The following CACNA1D variants were observed in gnomAD, a reference collection of about 807,000 sequenced individuals.
The protein encoded by CACNA1D is calcium voltage-gated channel subunit alpha1 D, also known as voltage-dependent L-type calcium channel subunit alpha-1D.
In CACNA1D, 55 loss-of-function variants were observed where a neutral mutation model predicts 257.1. The ratio of observed to expected loss-of-function variants is 0.21; its 90% confidence interval spans 0.17 to 0.27. CACNA1D has a LOEUF of 0.27. Ranked by LOEUF, CACNA1D falls within the 10% of genes least tolerant of loss-of-function variation. The probability of loss-of-function intolerance (pLI) is 1.00; values close to 1 mark genes in which losing one functional copy is unlikely to be tolerated. For missense variants in CACNA1D, 1,876 were observed against 2,784.0 expected (o/e 0.67, Z 7.34); for synonymous variants, 980 against 1,014.9 (o/e 0.97, Z 0.65).
chr3:53,724,555 G>A (rs2094912885), intron 14 of CACNA1D, among the ~76,000 whole-genome samples: 1 of 152,208 alleles, frequency 6.6e-6, no homozygotes, highest in Non-Finnish European at 1.5e-5. Flanking sequence ...GGCAGTAGCT[G>A]AGAAGGGAGC....
At chr3:53,630,791 T>C (rs1302741531) in intron 3 of CACNA1D, among the ~76,000 whole-genome samples, 2 of 152,146 alleles carry the variant, frequency 1.3e-5, no homozygotes, top group South Asian at 4.1e-4. Flanking sequence ...CTTGGAGATA[T>C]GGTTGGTTTG....
chr3:53,591,191 A>G (rs1319638476), intron 3 of CACNA1D, among the ~76,000 whole-genome samples: 1 of 151,964 alleles, frequency 6.6e-6, no homozygotes, highest in Non-Finnish European at 1.5e-5. Flanking sequence ...GAATACTCTA[A>G]TTCTTTCCTT....
chr3:53,692,908 A>G (rs2094540928), intron 8 of CACNA1D, among the ~76,000 whole-genome samples: 1 of 152,276 alleles, frequency 6.6e-6, no homozygotes, highest in African/African-American at 2.4e-5. Flanking sequence ...ATATTAAAAA[A>G]TTAGCTGGAC....
chr3:53,517,726 C>T (rs113835384), intron 3 of CACNA1D, among the ~76,000 whole-genome samples: 12,261 of 152,166 alleles, frequency 0.081, 658 homozygotes, highest in African/African-American at 0.15. Flanking sequence ...TTGTGATCCA[C>T]CCATCTCAGC....
At chr3:53,629,006 G>A (rs1271912569) in intron 3 of CACNA1D, among the ~76,000 whole-genome samples, 1 of 152,224 alleles carries the variant, frequency 6.6e-6, no homozygotes, top group Non-Finnish European at 1.5e-5. Flanking sequence ...GCAGGGGTGA[G>A]CAAACCTTTT....
At chr3:53,760,997 C>G (rs985193220) in intron 29 of CACNA1D, among the ~76,000 whole-genome samples, 1 of 152,188 alleles carries the variant, frequency 6.6e-6, no homozygotes, top group Non-Finnish European at 1.5e-5. Context: ...AGAGATTCAG[C>G]GTCAGCCTGA....
chr3:53,558,639 G>A (rs2092686342), intron 3 of CACNA1D, among the ~76,000 whole-genome samples: 1 of 152,142 alleles, frequency 6.6e-6, no homozygotes, highest in East Asian at 1.9e-4. Context: ...CTAGGTAAAG[G>A]ATTATAGATT....
intron 2 of CACNA1D, 55 bp downstream of exon 2, chr3:53,497,516 T>A: frequency 1.9e-6 from 3 of 1,569,136 alleles, no homozygotes; most frequent in Admixed American, 1.7e-5. Context: ...ATCTGTTTTT[T>A]AAAAGGATTT....
intron 3 of CACNA1D, among the ~76,000 whole-genome samples, chr3:53,512,020 A>G (rs114983457): frequency 0.019 from 2,871 of 152,348 alleles, 25 homozygotes; most frequent in Non-Finnish European, 0.03. Context: ...CACTGTTTAT[A>G]TTTAAATGAC....
chr3:53,630,314 A>C (rs1389645587), intron 3 of CACNA1D, among the ~76,000 whole-genome samples: 3 of 152,214 alleles, frequency 2.0e-5, no homozygotes, highest in Non-Finnish European at 4.4e-5. Flanking sequence ...AGCTGAGAGC[A>C]ATTCTAAATG....
chr3:53,603,400 G>A (rs1020714902), intron 3 of CACNA1D, among the ~76,000 whole-genome samples: 7 of 152,078 alleles, frequency 4.6e-5, no homozygotes, highest in African/African-American at 1.4e-4. Flanking sequence ...TTTGTGCCTC[G>A]GATTTCTCAT....
At chr3:53,514,080 C>A (rs1050579967) in intron 3 of CACNA1D, among the ~76,000 whole-genome samples, 1 of 152,052 alleles carries the variant, frequency 6.6e-6, no homozygotes. Context: ...CCTCTAATTC[C>A]CATTTAATCT....
chr3:53,635,838 C>T (rs1167236450), intron 3 of CACNA1D, among the ~76,000 whole-genome samples: 4 of 152,180 alleles, frequency 2.6e-5, no homozygotes, highest in Non-Finnish European at 2.9e-5. Flanking sequence ...TCGTAGAGAT[C>T]GCTGCCTCCC....
chr3:53,774,313 G>T lies in CACNA1D; in HGVS notation c.4111-274G>T. Reference sequence around the variant, plus strand: ...CTGGACCACCCCAGCATCATCACTGGGGTTTGATGTTGCCTGGCTACCTTT... The same window carrying T: ...CTGGACCACCCCAGCATCATCACTGTGGTTTGATGTTGCCTGGCTACCTTT... On this transcript the variant is annotated intron_variant, in intron 33 of 47. Transcript: ENST00000350061. This position sits in a 1 kb window ranked among gnomAD's most constrained non-coding sequence, Gnocchi z 4.3. 2.2e-6 allele frequency: 1 copy of T among 444,982 alleles called. No individual in the cohort carries two copies. The highest frequency in any genetic ancestry group is 4.6e-5 in the East Asian group (1 of 21,716). 27.6% of individuals were successfully genotyped at this position (444,982 alleles called of 1,614,324 possible). A position where few individuals can be genotyped will look rare whatever the true frequency, so the allele number is the denominator to read the frequency against.
chr3:53,670,750 A>G (rs1041772564), intron 7 of CACNA1D, among the ~76,000 whole-genome samples: 1 of 152,232 alleles, frequency 6.6e-6, no homozygotes, highest in Middle Eastern at 3.2e-3. Flanking sequence ...TTTAAAAATT[A>G]GTCTAAATTG....
intron 30 of CACNA1D, among the ~76,000 whole-genome samples, chr3:53,768,548 G>A (rs988765646): frequency 6.6e-6 from 1 of 152,192 alleles, no homozygotes; most frequent in Non-Finnish European, 1.5e-5. Context: ...TATTTCTTTT[G>A]AGACGAACTA....
chr3:53,500,195 G>A (rs527363743), intron 2 of CACNA1D, among the ~76,000 whole-genome samples: 10 of 135,794 alleles, frequency 7.4e-5, no homozygotes, highest in South Asian at 2.4e-4. Flanking sequence ...TGAGCAGATT[G>A]CTTGAGTCCA....
Position 53,803,576 on chromosome 3 carries a change from A to G in CACNA1D, c.5585+4A>G. 1 of 1,613,636 alleles carries G rather than the reference A, an allele frequency of 6.2e-7. No individual in the cohort carries two copies. Among genetic ancestry groups the G allele is most frequent in the Non-Finnish European group, 8.5e-7 (1 of 1,179,838 alleles). On this transcript the variant is annotated splice_donor_region_variant and intron_variant, in intron 44 of 47. Transcript: ENST00000350061. ...ACAGCTCGCCCACCTGGAGCAGGTG[A>G]GCTGCTCTGGCTCCTGTGGAGAGCG...
At chr3:53,571,206 A>G (rs1321030571) in intron 3 of CACNA1D, among the ~76,000 whole-genome samples, 1 of 152,070 alleles carries the variant, frequency 6.6e-6, no homozygotes, top group Non-Finnish European at 1.5e-5. Flanking sequence ...GCGTGTCTGA[A>G]TCTTTCTTTG....
Sources: allele counts gnomAD v4.1 joint callset (sites outside exome capture counted in the v4.1 genomes callset), GRCh38; gene constraint gnomAD v4.1.1; non-coding constraint Gnocchi (gnomAD v3.1); transcripts MANE v1.5; gene names NCBI Gene and HGNC (gene_info 2026-07-23, HGNC 2026-07-21).